The following WDFY3 variants were observed in gnomAD, a reference collection of about 807,000 sequenced individuals.
The protein encoded by WDFY3 is WD repeat and FYVE domain-containing protein 3.
A neutral mutation model predicts 409.6 loss-of-function variants in WDFY3; 66 were observed. That is an observed-to-expected ratio of 0.16 (90% confidence interval 0.13 to 0.20). The LOEUF (loss-of-function observed/expected upper bound fraction) is 0.20. Ranked by LOEUF, WDFY3 falls within the 10% of genes least tolerant of loss-of-function variation. The pLI is 1.00. For missense variants in WDFY3, 3,031 were observed against 4,298.1 expected, an observed-to-expected ratio of 0.71 and a Z score of 8.24; for synonymous variants, 1,521 against 1,537.1, an observed-to-expected ratio of 0.99 and a Z score of 0.25.
intron 29 of WDFY3, among the ~76,000 whole-genome samples, chr4:84,773,919 A>C (rs144118141): frequency 0.033 from 5,075 of 152,180 alleles, 87 homozygotes; most frequent in South Asian, 0.05. Flanking sequence ...ATGGGGTTTC[A>C]CCATGTTGGG....
intron 5 of WDFY3, among the ~76,000 whole-genome samples, chr4:84,844,114 T>C (rs1757752347): frequency 6.6e-6 from 1 of 152,206 alleles, no homozygotes; most frequent in South Asian, 2.1e-4. Flanking sequence ...CGGACAATCT[T>C]AAATGCAATT....
chr4:84,817,558 C>T lies in WDFY3; in HGVS notation c.1721G>A (p.Arg574Lys). Reference protein sequence around the residue: ...AGIFREFGGARCAHNIVKYPQ... With the variant: ...AGIFREFGGAKCAHNIVKYPQ... ...GTACTTTACTATATTATGTGCACAT[C>T]TTGCACCTCCAAATTCTCGAAAAAT... The change falls in exon 13 of 68, where the codon AGA (arginine) becomes AAA (lysine). Residue 574 changes from arginine (R) to lysine (K), a missense_variant. Around this residue, in one of 16 missense-constraint regions of WDFY3, gnomAD observed 1,322 missense variants for 1,697.9 expected, o/e 0.78. Coordinates refer to ENST00000295888, the MANE Select transcript of WDFY3 (RefSeq NM_014991.6). 6.2e-7 allele frequency: 1 copy of T among 1,604,362 alleles called. No homozygotes were observed. The highest frequency in any genetic ancestry group is 8.5e-7 in the Non-Finnish European group (1 of 1,175,704).
intron 25 of WDFY3, among the ~76,000 whole-genome samples, chr4:84,781,387 CTT>C (rs200260886): frequency 1.4e-5 from 2 of 145,100 alleles, no homozygotes; most frequent in Admixed American, 6.9e-5. Flanking sequence ...CCTTCTTTCC[CTT>C]TTGTTTTTTT....
In WDFY3 at chr4:84,888,216, A is replaced by C. The variant is rs151124065; in HGVS notation, c.-32+8695T>G. Among the ~76,000 whole-genome samples the C allele has an allele frequency of 5.2e-3, 785 of 152,346 alleles. 6 individuals are homozygous for C. The highest frequency in any genetic ancestry group is 0.018 in the African/African-American group (738 of 41,584). On this transcript the variant is annotated intron_variant, in intron 3 of 67. Coordinates refer to ENST00000295888, the MANE Select transcript of WDFY3 (RefSeq NM_014991.6). ...GAATATTAAGGAAATCATTTCTTGG[A>C]AGAATTTTTCAAAGGCAAATACGAA...
At chr4:84,788,014 G>A (rs1048948489) in intron 22 of WDFY3, among the ~76,000 whole-genome samples, 5 of 152,234 alleles carry the variant, frequency 3.3e-5, no homozygotes, top group African/African-American at 1.2e-4. Context: ...AGTTAATGAC[G>A]CTTCTCTGAA....
intron 1 of WDFY3, among the ~76,000 whole-genome samples, chr4:84,945,155 T>TA (rs1772654655): frequency 6.6e-6 from 1 of 152,076 alleles, no homozygotes; most frequent in South Asian, 2.1e-4. Context: ...GACCAACTCA[T>TA]ACTCCTCCAG....
chr4:84,850,759 A>G (rs757737363), intron 4 of WDFY3, among the ~76,000 whole-genome samples: 7 of 152,082 alleles, frequency 4.6e-5, no homozygotes, highest in Non-Finnish European at 8.8e-5. Context: ...AACTCATTTC[A>G]TGTCTCAGAA....
intron 1 of WDFY3, among the ~76,000 whole-genome samples, chr4:84,964,312 T>G (rs1775325587): frequency 6.6e-6 from 1 of 151,918 alleles, no homozygotes; most frequent in African/African-American, 2.4e-5. Flanking sequence ...CTACAAAAAA[T>G]AGAAAAATTA....
chr4:84,721,657 G>C, intron 46 of WDFY3, 85 bp from the exon 47 acceptor site: 2 of 1,505,232 alleles, frequency 1.3e-6, no homozygotes, highest in Non-Finnish European at 1.8e-6. Context: ...TCCTTCTATA[G>C]ATTTCCAATT....
rs1306992677 is a variant in WDFY3, at chr4:84,736,262, G to A, written c.6823C>T (p.Arg2275Cys). ...LAPTTQSKLS[R>C]VSSGFGLSKL... ...GAAAGACCAAAGCCACTGCTGACAC[G>A]GGATAATTTGGACTGTGTGGTGGGC... Residue 2275 changes from arginine (R) to cysteine (C), a missense_variant, in exon 42 of 68, where the codon CGT (arginine) becomes TGT (cysteine). Physicochemically the swap from Arg to Cys is radical, Grantham distance 180. Transcript: ENST00000295888. 3 of 1,613,314 alleles carry A rather than the reference G, an allele frequency of 1.9e-6. No homozygotes were observed. Among genetic ancestry groups the A allele is most frequent in the South Asian group, 1.1e-5 (1 of 90,964 alleles).
intron 2 of WDFY3, among the ~76,000 whole-genome samples, chr4:84,914,335 C>T (rs1023864084): frequency 2.0e-5 from 3 of 152,080 alleles, no homozygotes; most frequent in East Asian, 1.9e-4. Flanking sequence ...GCAGGAGAAT[C>T]GCTTGAACTT....
chr4:84,838,339 T>C (rs1179105540), intron 6 of WDFY3, among the ~76,000 whole-genome samples: 1 of 152,210 alleles, frequency 6.6e-6, no homozygotes, highest in African/African-American at 2.4e-5. Flanking sequence ...TTACATACCC[T>C]GCTTTAGGTC....
intron 2 of WDFY3, among the ~76,000 whole-genome samples, chr4:84,915,224 G>A (rs573837272): frequency 6.6e-6 from 1 of 152,264 alleles, no homozygotes; most frequent in South Asian, 2.1e-4. Flanking sequence ...TGTTTCAGAT[G>A]ATGAAAAACT....
chr4:84,777,524 C>T (rs1745760640), intron 27 of WDFY3, among the ~76,000 whole-genome samples: 1 of 152,020 alleles, frequency 6.6e-6, no homozygotes, highest in Admixed American at 6.6e-5. Context: ...TTACTGAGAG[C>T]TGCGGATGCT....
rs552358087 is a variant in WDFY3 at position 84,859,329 on chromosome 4, G to T, written c.180+1083C>A. Among the ~76,000 whole-genome samples the T allele has an allele frequency of 3.3e-5, 5 of 152,126 alleles. No individual in the cohort carries two copies. The South Asian group carries it at 1.0e-3, about 32-fold the overall frequency. On this transcript the variant is annotated intron_variant, in intron 4 of 67. Coordinates refer to ENST00000295888, the MANE Select transcript of WDFY3 (RefSeq NM_014991.6). ...TGAGGAGGGCAGCATGTATGAATGA[G>T]TGTATGTATGTATGTATGTATGTAC...
At chr4:84,914,422 A>AACAAG (rs1277615253) in intron 2 of WDFY3, among the ~76,000 whole-genome samples, 1 of 152,084 alleles carries the variant, frequency 6.6e-6, no homozygotes, top group African/African-American at 2.4e-5. Flanking sequence ...TCAAAAACAA[A>AACAAG]ACAAGACAAA....
At chr4:84,683,634 C>A (rs1420362933) in intron 63 of WDFY3, among the ~76,000 whole-genome samples, 1 of 152,126 alleles carries the variant, frequency 6.6e-6, no homozygotes, top group African/African-American at 2.4e-5. Flanking sequence ...GGCTGAAAAC[C>A]CAGTACTTCT....
chr4:84,880,674 CATATATAT>C (rs61351182), intron 3 of WDFY3, among the ~76,000 whole-genome samples: 958 of 50,172 alleles, frequency 0.019, 10 homozygotes, highest in South Asian at 0.023. Context: ...GGGAACCATA[CATATATAT>C]ATATATATAT....
chr4:84,688,115 C>T lies in WDFY3; in HGVS notation c.9514G>A (p.Val3172Ile). The T allele has an allele frequency of 6.2e-7, 1 of 1,614,056 alleles. No individual in the cohort carries two copies. Among genetic ancestry groups the T allele is most frequent in the Non-Finnish European group, 8.5e-7 (1 of 1,179,974 alleles). Residue 3172 changes from valine to isoleucine, a missense_variant, in exon 62 of 68, where the codon GTT (valine) becomes ATT (isoleucine). Val to Ile is a conservative substitution (Grantham distance 29). This residue lies in a region of WDFY3 where 378 missense variants were observed against 477.3 expected (regional missense o/e 0.79). Coordinates refer to ENST00000295888, the MANE Select transcript of WDFY3 (RefSeq NM_014991.6). The stretch of plus-strand genomic sequence containing the variant: ...AATTCATTGATACAAAGAGCAGAAA[C>T]TGGAGCTCGATGCCCTCGAAGCTGG... ...LTQLRGHRAP[V>I]SALCINELTG...
Sources: allele counts gnomAD v4.1 joint callset (sites outside exome capture counted in the v4.1 genomes callset), GRCh38; gene constraint gnomAD v4.1.1; regional missense constraint gnomAD v4.1.1; transcripts MANE v1.5; gene names NCBI Gene and HGNC (gene_info 2026-07-23, HGNC 2026-07-21).